The following BNC2 variants were observed in gnomAD, a reference collection of about 807,000 sequenced individuals.
BNC2 encodes zinc finger protein basonuclin-2.
In BNC2, 20 loss-of-function variants were observed where a neutral mutation model predicts 76.3. The ratio of observed to expected loss-of-function variants is 0.26; its 90% CI spans 0.18 to 0.38. The LOEUF is 0.38. Among genes scored for constraint, BNC2 ranks in the 10% least tolerant of loss-of-function variants. The probability of loss-of-function intolerance (pLI) is 1.00; values close to 1 mark genes in which losing one functional copy is unlikely to be tolerated. For synonymous variants in BNC2, 582 were observed against 514.8 expected, an observed-to-expected ratio of 1.13 and a Z score of -1.77; for missense variants, 1,382 against 1,399.8, an observed-to-expected ratio of 0.99 and a Z score of 0.20.
At chr9:16,815,805 A>T (rs1374306437) in intron 1 of BNC2, among the ~76,000 whole-genome samples, 1 of 152,200 alleles carries the variant, frequency 6.6e-6, no homozygotes, top group African/African-American at 2.4e-5. Context: ...GGTTAGCAAA[A>T]ACTGGTAAGG....
chr9:16,493,280 G>A (rs1468959214), intron 5 of BNC2, among the ~76,000 whole-genome samples: 1 of 152,194 alleles, frequency 6.6e-6, no homozygotes, highest in African/African-American at 2.4e-5. Flanking sequence ...TCAGGAAACA[G>A]TTACATCTAC....
chr9:16,739,619 C>T (rs932667682), intron 1 of BNC2, among the ~76,000 whole-genome samples: 2 of 152,074 alleles, frequency 1.3e-5, no homozygotes, highest in African/African-American at 2.4e-5. Context: ...TTGCAGTGAG[C>T]GGAGATTGTG....
intron 5 of BNC2, among the ~76,000 whole-genome samples, chr9:16,494,722 C>A (rs74722466): frequency 6.6e-6 from 1 of 152,052 alleles, no homozygotes; most frequent in African/African-American, 2.4e-5. Flanking sequence ...AGGCCTGGCA[C>A]GTCCTGTAGG....
At chr9:16,780,723 C>T (rs1408688298) in intron 1 of BNC2, among the ~76,000 whole-genome samples, 1 of 152,022 alleles carries the variant, frequency 6.6e-6, no homozygotes, top group East Asian at 1.9e-4. Context: ...ATGAAAACAA[C>T]AGGACTTCAG....
chr9:16,767,479 T>G (rs926329632), intron 1 of BNC2, among the ~76,000 whole-genome samples: 11 of 152,134 alleles, frequency 7.2e-5, no homozygotes, highest in Non-Finnish European at 1.5e-4. Flanking sequence ...AGGATTTTTT[T>G]TGTAGAGCTG....
chr9:16,704,242 A>C (rs1563907157), intron 3 of BNC2, among the ~76,000 whole-genome samples: 3 of 152,196 alleles, frequency 2.0e-5, no homozygotes, highest in Non-Finnish European at 4.4e-5. Context: ...ACTGAAGTCA[A>C]ATCATACACA....
intron 6 of BNC2, chr9:16,430,010 C>T (rs780120764): frequency 3.9e-6 from 2 of 509,698 alleles, no homozygotes; most frequent in Middle Eastern, 3.2e-4. Context: ...CTAAAAAGAA[C>T]CCCAGGGACA....
chr9:16,600,383 C>T (rs1415693656), intron 3 of BNC2, among the ~76,000 whole-genome samples: 2 of 152,158 alleles, frequency 1.3e-5, no homozygotes, highest in African/African-American at 4.8e-5. Flanking sequence ...TACCTGTGCT[C>T]AAGTTGTTTA....
intron 4 of BNC2, among the ~76,000 whole-genome samples, chr9:16,567,933 G>A: frequency 6.6e-6 from 1 of 152,104 alleles, no homozygotes; most frequent in East Asian, 1.9e-4. Flanking sequence ...TACGAAAAGG[G>A]TCTAAATGGA....
intron 1 of BNC2, among the ~76,000 whole-genome samples, chr9:16,751,638 A>G (rs963309484): frequency 3.2e-4 from 4 of 12,390 alleles, no homozygotes; most frequent in African/African-American, 6.0e-4. Context: ...ATGTATGTAT[A>G]TATGTATGTG....
intron 5 of BNC2, among the ~76,000 whole-genome samples, chr9:16,511,754 T>G (rs1822762302): frequency 6.6e-6 from 1 of 151,914 alleles, no homozygotes; most frequent in South Asian, 2.1e-4. Flanking sequence ...TTAACCTAAC[T>G]CCAGGGGCAG....
chr9:16,663,393 G>A lies in BNC2; in HGVS notation c.330+64404C>T, dbSNP rs187660836. Among the ~76,000 whole-genome samples, 406 of 152,146 alleles carry A rather than the reference G, an allele frequency of 2.7e-3. 2 individuals carry two copies. Among genetic ancestry groups the A allele is most frequent in the Non-Finnish European group, 4.0e-3 (271 of 68,004 alleles). On this transcript the variant is annotated intron_variant, in intron 3 of 6. Coordinates refer to ENST00000380672, the MANE Select transcript of BNC2 (RefSeq NM_017637.6). ...TCCACTGGCCTCAGCCTCCCAAAGTGCTGGGATTACAGGCGTGAGCTACCA... is the reference window on the plus strand; with the variant it reads ...TCCACTGGCCTCAGCCTCCCAAAGTACTGGGATTACAGGCGTGAGCTACCA...
intron 4 of BNC2, among the ~76,000 whole-genome samples, chr9:16,575,566 C>G (rs1819460209): frequency 6.6e-6 from 1 of 152,164 alleles, no homozygotes; most frequent in Non-Finnish European, 1.5e-5. Context: ...TGCTCAGAGA[C>G]ACAATAAGAA....
chr9:16,668,521 G>A (rs1822373360), intron 3 of BNC2, among the ~76,000 whole-genome samples: 1 of 152,172 alleles, frequency 6.6e-6, no homozygotes, highest in African/African-American at 2.4e-5. Flanking sequence ...ACGTCAGGAT[G>A]TACTTTAAAC....
intron 5 of BNC2, among the ~76,000 whole-genome samples, chr9:16,508,707 C>A (rs922249069): frequency 2.0e-5 from 3 of 152,178 alleles, no homozygotes; most frequent in African/African-American, 7.2e-5. Context: ...TGCTAGCCCC[C>A]ACAAAGTTAA....
At chr9:16,761,993 T>C (rs889720522) in intron 1 of BNC2, among the ~76,000 whole-genome samples, 2 of 152,156 alleles carry the variant, frequency 1.3e-5, no homozygotes, top group Non-Finnish European at 1.5e-5. Context: ...ACATGGAAAG[T>C]AGCAAAACTT....
intron 3 of BNC2, among the ~76,000 whole-genome samples, chr9:16,654,295 T>C (rs1821868831): frequency 6.6e-6 from 1 of 152,204 alleles, no homozygotes; most frequent in South Asian, 2.1e-4. Context: ...ATTTTCATTC[T>C]AACTAGAGTT....
intron 5 of BNC2, among the ~76,000 whole-genome samples, chr9:16,536,254 T>C (rs1452948095): frequency 1.3e-5 from 2 of 151,382 alleles, no homozygotes; most frequent in African/African-American, 2.5e-5. Context: ...CCAAATCTTT[T>C]ATAGACAATT....
chr9:16,528,989 C>G (rs1191355950), intron 5 of BNC2, among the ~76,000 whole-genome samples: 1 of 152,152 alleles, frequency 6.6e-6, no homozygotes, highest in African/African-American at 2.4e-5. Flanking sequence ...CTCAGAGGCT[C>G]TGGGAAATAA....
Sources: gnomAD v4.1 joint callset for allele counts (sites outside exome capture counted in the v4.1 genomes callset) on GRCh38, gnomAD v4.1.1 for gene constraint, MANE v1.5 for transcripts, NCBI Gene and HGNC (gene_info 2026-07-23, HGNC 2026-07-21) for gene names.